LRP1B: variants seen among roughly 807,000 people sequenced by gnomAD.
The protein encoded by LRP1B is LDL receptor related protein 1B.
Under a neutral mutation model 556.6 loss-of-function variants are expected in LRP1B, and 217 were observed. That is an observed-to-expected ratio of 0.39 (90% confidence interval 0.35 to 0.44). LRP1B has a LOEUF of 0.44. Ranked by LOEUF, LRP1B falls within the 20% of genes least tolerant of loss-of-function variation. The probability of loss-of-function intolerance (pLI) is 1.00; values close to 1 mark genes in which losing one functional copy is unlikely to be tolerated. For missense variants in LRP1B, 5,053 were observed against 5,620.8 expected (o/e 0.90, Z 3.23); for synonymous variants, 2,047 against 1,865.8 (o/e 1.10, Z -2.50).
At chr2:141,987,942 G>C (rs1702244634) in intron 1 of LRP1B, among the ~76,000 whole-genome samples, 1 of 151,828 alleles carries the variant, frequency 6.6e-6, no homozygotes, top group Non-Finnish European at 1.5e-5. Flanking sequence ...TATATAAGTG[G>C]CGTATGCAAA....
chr2:140,380,621 C>A (rs1683431617), intron 67 of LRP1B, among the ~76,000 whole-genome samples: 1 of 152,092 alleles, frequency 6.6e-6, no homozygotes, highest in Admixed American at 6.6e-5. Context: ...TTAAAAACAG[C>A]AGAAGAAACA....
At chr2:140,991,058 AAAAT>A (rs573438632) in intron 16 of LRP1B, among the ~76,000 whole-genome samples, 211 of 152,248 alleles carry the variant, frequency 1.4e-3, no homozygotes, top group African/African-American at 4.9e-3. Context: ...ACAAAACAAA[AAAAT>A]AGGGAGAAAA....
chr2:141,881,516 T>C (rs1416985890), intron 1 of LRP1B, among the ~76,000 whole-genome samples: 1 of 152,056 alleles, frequency 6.6e-6, no homozygotes, highest in South Asian at 2.1e-4. Flanking sequence ...GGCATGGAGT[T>C]TGGGAAAAAT....
At chr2:140,810,847 C>T (rs1690894241) in intron 32 of LRP1B, among the ~76,000 whole-genome samples, 2 of 152,080 alleles carry the variant, frequency 1.3e-5, no homozygotes, top group African/African-American at 2.4e-5. Context: ...AGCGATTCTC[C>T]TGCCTCACCT....
At chr2:140,312,596 T>C (rs2105031264) in intron 83 of LRP1B, among the ~76,000 whole-genome samples, 1 of 152,084 alleles carries the variant, frequency 6.6e-6, no homozygotes, top group East Asian at 1.9e-4. Flanking sequence ...AAATGCTTAA[T>C]ACTATGCTTT....
chr2:140,940,988 G>A (rs900570421), intron 20 of LRP1B, among the ~76,000 whole-genome samples: 2 of 152,050 alleles, frequency 1.3e-5, no homozygotes, highest in African/African-American at 4.8e-5. Flanking sequence ...GTATCTCATT[G>A]TGGTTTTGAT....
At chr2:141,844,597 G>T (rs967221445) in intron 1 of LRP1B, among the ~76,000 whole-genome samples, 1 of 151,954 alleles carries the variant, frequency 6.6e-6, no homozygotes, top group Admixed American at 6.6e-5. Flanking sequence ...TTTATGTCTA[G>T]CTTAAAAACA....
At chr2:141,702,315 C>G (rs538807493) in intron 2 of LRP1B, among the ~76,000 whole-genome samples, 10 of 151,948 alleles carry the variant, frequency 6.6e-5, no homozygotes, top group Admixed American at 3.9e-4. Context: ...ATAAGAATTT[C>G]TGGCAAACTA....
intron 66 of LRP1B, among the ~76,000 whole-genome samples, chr2:140,416,978 T>C (rs1185151235): frequency 2.0e-5 from 3 of 152,140 alleles, no homozygotes. Context: ...CAGAAGACTC[T>C]AGGACTGTCA....
At chr2:140,782,516 T>C (rs1332809349) in intron 32 of LRP1B, among the ~76,000 whole-genome samples, 1 of 152,078 alleles carries the variant, frequency 6.6e-6, no homozygotes, top group Non-Finnish European at 1.5e-5. Flanking sequence ...AACACCTTGA[T>C]CTCAGACCTC....
chr2:141,066,007 T>C (rs2105474721), intron 7 of LRP1B, among the ~76,000 whole-genome samples: 1 of 152,084 alleles, frequency 6.6e-6, no homozygotes, highest in African/African-American at 2.4e-5. Context: ...CTATTTTTTG[T>C]TATGCAGCAA....
chr2:140,397,987 C>T (rs1036017172), intron 66 of LRP1B, among the ~76,000 whole-genome samples: 2 of 150,146 alleles, frequency 1.3e-5, no homozygotes, highest in African/African-American at 2.5e-5. Context: ...GATAAATATT[C>T]TTTCTGATTG....
chr2:141,253,433 A>G (rs1684341121), intron 4 of LRP1B, among the ~76,000 whole-genome samples: 1 of 152,178 alleles, frequency 6.6e-6, no homozygotes, highest in Non-Finnish European at 1.5e-5. Flanking sequence ...AATTGGTATT[A>G]TACACAAAGC....
chr2:140,582,675 G>A lies in LRP1B; in HGVS notation c.7194+15956C>T, dbSNP rs1681821025. ...AACAATAAAGCACCGTCTATGAGAGGCAGGCCTTCACCAGACACCAGGCCT... is the reference window on the plus strand; with the variant it reads ...AACAATAAAGCACCGTCTATGAGAGACAGGCCTTCACCAGACACCAGGCCT... On this transcript the variant is annotated intron_variant, in intron 43 of 90. Coordinates refer to ENST00000389484, the MANE Select transcript of LRP1B (RefSeq NM_018557.3). Among the ~76,000 whole-genome samples, 3 of 152,206 alleles carry A rather than the reference G, an allele frequency of 2.0e-5. No individual in the cohort carries two copies. In the South Asian group the frequency reaches 6.2e-4, roughly 32 times the overall value.
intron 60 of LRP1B, among the ~76,000 whole-genome samples, chr2:140,470,221 TC>T (rs373916409): frequency 6.8e-4 from 104 of 152,304 alleles, no homozygotes; most frequent in African/African-American, 2.2e-3. Context: ...ATGATAACAC[TC>T]AGGACTGGGG....
intron 1 of LRP1B, among the ~76,000 whole-genome samples, chr2:141,993,428 A>C (rs918704221): frequency 2.8e-5 from 1 of 35,758 alleles, no homozygotes; most frequent in Non-Finnish European, 5.7e-5. Context: ...AGGAGCAGGA[A>C]ATTTTTCCCC....
At chr2:140,667,546 C>G (rs1685322074) in intron 41 of LRP1B, among the ~76,000 whole-genome samples, 1 of 152,222 alleles carries the variant, frequency 6.6e-6, no homozygotes, top group African/African-American at 2.4e-5. Flanking sequence ...TTCTGCTCTA[C>G]AGACCACAGT....
chr2:141,782,514 CTTTTTTTTT>C (rs5834867), intron 2 of LRP1B, among the ~76,000 whole-genome samples: 2 of 97,864 alleles, frequency 2.0e-5, no homozygotes, highest in East Asian at 3.0e-4. Flanking sequence ...TTCTATTTTC[CTTTTTTTTT>C]TTTTTTTTTT....
intron 3 of LRP1B, among the ~76,000 whole-genome samples, chr2:141,344,344 A>G (rs1278068068): frequency 6.6e-6 from 1 of 151,924 alleles, no homozygotes; most frequent in Non-Finnish European, 1.5e-5. Flanking sequence ...CTCATCTGCT[A>G]CTCCACTTTT....
Sources: allele counts gnomAD v4.1 joint callset (sites outside exome capture counted in the v4.1 genomes callset), GRCh38; gene constraint gnomAD v4.1.1; transcripts MANE v1.5; gene names NCBI Gene and HGNC (gene_info 2026-07-23, HGNC 2026-07-21).